RNF8: variants seen among roughly 807,000 people sequenced by gnomAD.
The protein encoded by RNF8 is E3 ubiquitin-protein ligase RNF8.
In RNF8, 8 loss-of-function variants were observed where a neutral mutation model predicts 59.3. That is an observed-to-expected ratio of 0.13 (90% CI 0.08 to 0.24). The LOEUF is 0.24. Among genes scored for constraint, RNF8 ranks in the 10% least tolerant of loss-of-function variants. The pLI is 1.00. For missense variants in RNF8, 406 were observed against 572.6 expected (o/e 0.71, Z 2.97); for synonymous variants, 162 against 200.0 (o/e 0.81, Z 1.60).
rs912156335 is a variant in RNF8 at position 37,366,823 on chromosome 6, C to T, written c.241-1661C>T. ...ATCCCCTGAACTTAAGTCCTTGATA[C>T]GGGTTAAAATGCTCACCAGTATATT... is the stretch of plus-strand genomic sequence containing the variant. On this transcript the variant is annotated intron_variant, in intron 2 of 7. Transcript: ENST00000373479. 3.9e-5 allele frequency among the ~76,000 whole-genome samples: 6 copies of T among 152,194 alleles called. No homozygotes were observed. The East Asian group carries it at 1.2e-3, about 29-fold the overall frequency.
rs1188815067 is a variant in RNF8 at position 37,394,325 on chromosome 6, A to G, written c.*3567A>G. On this transcript the variant is annotated 3_prime_UTR_variant, in exon 8 of 8. Coordinates refer to ENST00000373479, the MANE Select transcript of RNF8 (RefSeq NM_003958.4). Reference sequence around the variant, plus strand: ...TCAGCTTTTTCAGCTTCTCCAACAAATGGGAGTTGAGGCAGTAGGAGTGTG... The same window carrying G: ...TCAGCTTTTTCAGCTTCTCCAACAAGTGGGAGTTGAGGCAGTAGGAGTGTG... 1.3e-5 allele frequency: 2 copies of G among 152,146 alleles called. No individual in the cohort carries two copies. Among genetic ancestry groups the G allele is most frequent in the African/African-American group, 2.4e-5 (1 of 41,432 alleles). 9.4% of individuals were successfully genotyped at this position (152,146 alleles called of 1,614,324 possible). A position where few individuals can be genotyped will look rare whatever the true frequency, so the allele number is the denominator to read the frequency against.
intron 1 of RNF8, among the ~76,000 whole-genome samples, chr6:37,354,721 G>C (rs1769048599): frequency 6.6e-6 from 1 of 151,732 alleles, no homozygotes; most frequent in African/African-American, 2.4e-5. Context: ...GTGTCGAGGA[G>C]GGGAGGGCGG....
intron 2 of RNF8, among the ~76,000 whole-genome samples, chr6:37,362,694 T>C (rs531132878): frequency 6.6e-6 from 1 of 152,212 alleles, no homozygotes; most frequent in African/African-American, 2.4e-5. Flanking sequence ...AGCTGTAGGG[T>C]ATTATTGCTG....
Position 37,360,582 on chromosome 6 carries a change from A to G in RNF8, c.240+8A>G, listed in dbSNP as rs370830769. 3.2e-4 allele frequency: 510 copies of G among 1,610,674 alleles called. 3 individuals are homozygous for G. The African/African-American group carries it at 5.9e-3, about 19-fold the overall frequency. ...ACAATTATGGACAACAAGGTACAGG[A>G]ATTCACAGAAGCCTAATGACTTTTA... is the stretch of plus-strand genomic sequence containing the variant. On this transcript the variant is annotated splice_region_variant and intron_variant, in intron 2 of 7. Coordinates refer to ENST00000373479, the MANE Select transcript of RNF8 (RefSeq NM_003958.4). This position sits in a 1 kb window ranked among gnomAD's most constrained non-coding sequence, Gnocchi z 4.2.
At chr6:37,365,931 T>G (rs1769534045) in intron 2 of RNF8, among the ~76,000 whole-genome samples, 1 of 152,196 alleles carries the variant, frequency 6.6e-6, no homozygotes, top group African/African-American at 2.4e-5. Context: ...TTGGTTTAAA[T>G]TATACCACTA....
chr6:37,354,036 C>T lies in RNF8; in HGVS notation c.-129C>T. 32 of 803,600 alleles carry T rather than the reference C, an allele frequency of 4.0e-5. 1 individual carries two copies. In the South Asian group the frequency reaches 4.3e-4, roughly 11 times the overall value. The allele number at this position is 803,600 out of a possible 1,614,324, so 49.8% of individuals were successfully genotyped here. A position where few individuals can be genotyped will look rare whatever the true frequency, so the allele number is the denominator to read the frequency against. On this transcript the variant is annotated 5_prime_UTR_variant, in exon 1 of 8. Transcript: ENST00000373479. ...GGGCGAGCGGAGCCTGCTTTCGCAG[C>T]GATCGCGAGCGTGTGGCGATTGCTT... is the stretch of plus-strand genomic sequence containing the variant.
intron 7 of RNF8, among the ~76,000 whole-genome samples, chr6:37,389,651 T>C (rs1231712580): frequency 6.6e-6 from 1 of 151,892 alleles, no homozygotes; most frequent in Non-Finnish European, 1.5e-5. Flanking sequence ...GCAATTAGTC[T>C]TTAAGAGGAG....
At position 37,360,435 on chromosome 6, in the gene RNF8, T is replaced by C; in HGVS notation, c.112-11T>C. On this transcript the variant is annotated splice_polypyrimidine_tract_variant and intron_variant, in intron 1 of 7. Transcript: ENST00000373479. This position sits in a 1 kb window ranked among gnomAD's most constrained non-coding sequence, Gnocchi z 4.2. The stretch of plus-strand genomic sequence containing the variant: ...ACTGATGGTATTTCTTGCATTGTTG[T>C]TGTCTCCCAGGTGACTGTAGGACGA... 6.3e-7 allele frequency: 1 copy of C among 1,594,334 alleles called. No homozygotes were observed. The highest frequency in any genetic ancestry group is 8.5e-7 in the Non-Finnish European group (1 of 1,179,622).
intron 7 of RNF8, among the ~76,000 whole-genome samples, chr6:37,381,652 T>A (rs1307129274): frequency 1.3e-5 from 2 of 152,208 alleles, no homozygotes; most frequent in African/African-American, 4.8e-5. Flanking sequence ...TCAGACGTTT[T>A]GCTGTACCAG....
intron 2 of RNF8, chr6:37,361,632 T>C: frequency 6.7e-6 from 2 of 298,372 alleles, no homozygotes; most frequent in Non-Finnish European, 1.3e-5. Flanking sequence ...TTCATATTGC[T>C]TCACTGCCCC....
rs1770753635 is a variant in RNF8, at chr6:37,392,484, G to C, written c.*1726G>C. The C allele has an allele frequency of 1.0e-5, 4 of 398,618 alleles. No homozygotes were observed. Among genetic ancestry groups the C allele is most frequent in the Non-Finnish European group, 1.8e-5 (4 of 226,068 alleles). The allele number at this position is 398,618 out of a possible 1,614,324, so 24.7% of individuals were successfully genotyped here. A position where few individuals can be genotyped will look rare whatever the true frequency, so the allele number is the denominator to read the frequency against. On this transcript the variant is annotated 3_prime_UTR_variant, in exon 8 of 8. Coordinates refer to ENST00000373479, the MANE Select transcript of RNF8 (RefSeq NM_003958.4). The stretch of plus-strand genomic sequence containing the variant: ...CCACTCAGAGGCAACAAGTATTACA[G>C]TTGCTTGTATATTCTTCCAGAGATC...
chr6:37,363,029 A>G (rs1769388673), intron 2 of RNF8, among the ~76,000 whole-genome samples: 1 of 152,206 alleles, frequency 6.6e-6, no homozygotes, highest in African/African-American at 2.4e-5. Flanking sequence ...TTAAAGTCAC[A>G]GTATGAAATG....
intron 5 of RNF8, among the ~76,000 whole-genome samples, chr6:37,375,276 C>T (rs1769966919): frequency 6.6e-6 from 1 of 152,206 alleles, no homozygotes; most frequent in East Asian, 1.9e-4. Context: ...CTTCTCTGCT[C>T]AGCCAATTGT....
intron 7 of RNF8, among the ~76,000 whole-genome samples, chr6:37,390,521 T>C (rs1216419169): frequency 6.6e-6 from 1 of 152,126 alleles, no homozygotes; most frequent in African/African-American, 2.4e-5. Flanking sequence ...GCAGATTTTG[T>C]AGGGCCTTGT....
intron 6 of RNF8, among the ~76,000 whole-genome samples, chr6:37,380,851 A>T (rs1007644233): frequency 2.6e-5 from 4 of 151,670 alleles, no homozygotes; most frequent in African/African-American, 9.7e-5. Context: ...ACTGGCTAAT[A>T]TTCGTATTTT....
intron 1 of RNF8, among the ~76,000 whole-genome samples, chr6:37,354,984 G>C (rs1425780312): frequency 6.6e-6 from 1 of 152,240 alleles, no homozygotes; most frequent in African/African-American, 2.4e-5. Context: ...TCTCCTGTGA[G>C]GCTCGGTACG....
In RNF8 at chr6:37,360,538, G is replaced by C; in HGVS notation, c.204G>C (p.Gln68His). ...CTCGAAACCACTGTGTTTTGAAGCAGAATCCTGAGGGCCAATGGACAATTA... is the reference window on the plus strand; with the variant it reads ...CTCGAAACCACTGTGTTTTGAAGCACAATCCTGAGGGCCAATGGACAATTA... The part of the protein sequence containing the change: ...MISRNHCVLK[Q>H]NPEGQWTIMD... The change falls in exon 2 of 8, where the codon CAG (glutamine) becomes CAC (histidine). Residue 68 changes from glutamine to histidine, a missense_variant. This residue lies in a region of RNF8 where 62 missense variants were observed against 112.2 expected (regional missense o/e 0.55). Coordinates refer to ENST00000373479, the MANE Select transcript of RNF8 (RefSeq NM_003958.4). This position sits in a 1 kb window ranked among gnomAD's most constrained non-coding sequence, Gnocchi z 4.2. 1 of 1,613,724 alleles carries C rather than the reference G, an allele frequency of 6.2e-7. No individual in the cohort carries two copies. The highest frequency in any genetic ancestry group is 2.2e-5 in the East Asian group (1 of 44,862).
intron 1 of RNF8, among the ~76,000 whole-genome samples, chr6:37,359,599 T>TTTCC (rs1259266578): frequency 6.6e-6 from 1 of 152,194 alleles, no homozygotes; most frequent in African/African-American, 2.4e-5. Context: ...AATCCAAGGT[T>TTTCC]TTCCATCCAG....
chr6:37,373,046 G>C (rs1769875061), intron 4 of RNF8, among the ~76,000 whole-genome samples: 2 of 152,140 alleles, frequency 1.3e-5, no homozygotes, highest in South Asian at 4.1e-4. Context: ...GTGGTTTTTT[G>C]TTCCACCATG....
Sources: allele counts gnomAD v4.1 joint callset (sites outside exome capture counted in the v4.1 genomes callset), GRCh38; gene constraint gnomAD v4.1.1; regional missense constraint gnomAD v4.1.1; non-coding constraint Gnocchi (gnomAD v3.1); transcripts MANE v1.5; gene names NCBI Gene and HGNC (gene_info 2026-07-23, HGNC 2026-07-21).